Variants in PMPCB observed in about 807,000 individuals in gnomAD.
The protein encoded by PMPCB is mitochondrial-processing peptidase subunit beta.
A neutral mutation model predicts 61.5 loss-of-function variants in PMPCB; 46 were observed. The ratio of observed to expected loss-of-function variants is 0.75; its 90% CI spans 0.59 to 0.96. The LOEUF (loss-of-function observed/expected upper bound fraction) is 0.96. Among genes scored for constraint, PMPCB ranks in the 40% least tolerant of loss-of-function variants. The pLI, the probability that PMPCB is intolerant of heterozygous loss-of-function variation, is 0.00. For synonymous variants in PMPCB, 191 were observed against 201.6 expected (o/e 0.95, Z 0.44); for missense variants, 590 against 602.4 (o/e 0.98, Z 0.22).
At chr7:103,320,282 G>C (rs1218088846) in intron 12 of PMPCB, among the ~76,000 whole-genome samples, 1 of 151,764 alleles carries the variant, frequency 6.6e-6, no homozygotes, top group African/African-American at 2.4e-5. Flanking sequence ...TAGAGACGGG[G>C]TTTCACCATT....
chr7:103,309,046 T>C lies in PMPCB; in HGVS notation c.944T>C (p.Val315Ala), dbSNP rs780908639. Residue 315 changes from valine to alanine, a missense_variant, in exon 8 of 13, where the codon GTT (valine) becomes GCT (alanine). By Grantham distance (64) the Val-to-Ala change is moderately conservative. Transcript: ENST00000249269. Reference sequence around the variant, plus strand: ...CATCCAGATACAATCTGTCTCATGGTTGCAAACACGCTGATTGGCAACTGG... The same window carrying C: ...CATCCAGATACAATCTGTCTCATGGCTGCAAACACGCTGATTGGCAACTGG... ...WAHPDTICLM[V>A]ANTLIGNWDR... 18 of 1,606,706 alleles carry C rather than the reference T, an allele frequency of 1.1e-5. No homozygotes were observed. The highest frequency in any genetic ancestry group is 1.5e-5 in the Non-Finnish European group (18 of 1,176,102).
At chr7:103,307,565 A>G (rs1405557808) in intron 6 of PMPCB, 31 bp from the exon 7 acceptor site, 1 of 1,253,482 alleles carries the variant, frequency 8.0e-7, no homozygotes, top group Admixed American at 1.7e-5. Flanking sequence ...TTGCTGCTAG[A>G]TACATGTGAA....
intron 12 of PMPCB, among the ~76,000 whole-genome samples, chr7:103,328,198 AG>A (rs200115333): frequency 0.048 from 7,328 of 152,124 alleles, 235 homozygotes; most frequent in African/African-American, 0.08. Context: ...CTGGGATTAC[AG>A]GTGTGAGCCA....
At chr7:103,336,792 T>C in the PMPCB span, 1 of 152,238 alleles carries the variant, frequency 6.6e-6, no homozygotes, top group Non-Finnish European at 1.5e-5. Flanking sequence ...ACAAATCCAG[T>C]TTAAAATAAT....
intron 7 of PMPCB, among the ~76,000 whole-genome samples, chr7:103,308,357 T>A (rs1817642608): frequency 6.6e-6 from 1 of 152,168 alleles, no homozygotes; most frequent in Non-Finnish European, 1.5e-5. Flanking sequence ...TGCGGTGGCT[T>A]ACGCCTGTAA....
At chr7:103,320,309 T>TG (rs1444859925) in intron 12 of PMPCB, among the ~76,000 whole-genome samples, 1 of 151,812 alleles carries the variant, frequency 6.6e-6, no homozygotes, top group African/African-American at 2.4e-5. Flanking sequence ...AGGCTGGTCT[T>TG]GAACTCCTGA....
intron 12 of PMPCB, chr7:103,324,865 G>GA (rs1468955228): frequency 5.7e-6 from 1 of 175,944 alleles, no homozygotes; most frequent in Non-Finnish European, 1.2e-5. Flanking sequence ...AGGCAGGCTA[G>GA]AAAAAATGGC....
At chr7:103,345,408 CTTCT>C in the PMPCB span, among the ~76,000 whole-genome samples, 1 of 151,794 alleles carries the variant, frequency 6.6e-6, no homozygotes, top group African/African-American at 2.4e-5. Context: ...TATATGCTTC[CTTCT>C]AAGACTGCAG....
intron 6 of PMPCB, among the ~76,000 whole-genome samples, chr7:103,306,505 C>T (rs1372094032): frequency 3.3e-5 from 5 of 151,866 alleles, no homozygotes; most frequent in Non-Finnish European, 7.4e-5. Flanking sequence ...GCCTTAGCCT[C>T]CCGAGTAGCT....
the PMPCB span, chr7:103,341,893 T>C: frequency 1.2e-6 from 2 of 1,613,086 alleles, no homozygotes; most frequent in Non-Finnish European, 1.7e-6. Context: ...CATTTCTGTT[T>C]CTCCTCTTAA....
In PMPCB at chr7:103,312,394, A is replaced by AT. The variant is rs1817793881; in HGVS notation, c.*124dup. The AT allele has an allele frequency of 6.6e-7, 1 of 1,520,166 alleles. No homozygotes were observed. The highest frequency in any genetic ancestry group is 1.4e-5 in the African/African-American group (1 of 71,414). 94.2% of individuals were successfully genotyped at this position (1,520,166 alleles called of 1,614,324 possible). A position where few individuals can be genotyped will look rare whatever the true frequency, so the allele number is the denominator to read the frequency against. ...AAATACTGTATCATACTTTCAAAGGATAAAAAGACTACCCCTCTGAAGGTT... is the reference window on the plus strand; with the variant it reads ...AAATACTGTATCATACTTTCAAAGGATTAAAAAGACTACCCCTCTGAAGGTT... On this transcript the variant is annotated 3_prime_UTR_variant, in exon 13 of 13. Coordinates refer to ENST00000249269, the MANE Select transcript of PMPCB (RefSeq NM_004279.3).
chr7:103,311,395 C>A, intron 9 of PMPCB: 1 of 518,822 alleles, frequency 1.9e-6, no homozygotes, highest in East Asian at 3.3e-5. Context: ...ATGCTTATAG[C>A]ATTTCTGAAA....
intron 12 of PMPCB, chr7:103,324,444 A>G (rs764253100): frequency 1.8e-5 from 25 of 1,428,184 alleles, no homozygotes; most frequent in Non-Finnish European, 2.3e-5. Context: ...TTTCCTTTTA[A>G]AAAATGACAG....
At chr7:103,320,630 G>C (rs1480048993) in intron 12 of PMPCB, among the ~76,000 whole-genome samples, 2 of 151,302 alleles carry the variant, frequency 1.3e-5, no homozygotes, top group Non-Finnish European at 2.9e-5. Context: ...CGTGGTCCCA[G>C]CTACTCGGGA....
chr7:103,322,932 GAT>G, intron 12 of PMPCB: 8 of 736,066 alleles, frequency 1.1e-5, no homozygotes, highest in African/African-American at 1.1e-4. Context: ...ATTAAACAAT[GAT>G]TTTTTTTTTT....
chr7:103,335,560 C>CAA, the PMPCB span: 8 of 148,718 alleles, frequency 5.4e-5, no homozygotes, highest in Admixed American at 5.4e-4. Flanking sequence ...TTTAATGAGA[C>CAA]AGAGTCTCAC....
At chr7:103,327,534 A>G in intron 12 of PMPCB, 10 of 735,584 alleles carry the variant, frequency 1.4e-5, no homozygotes, top group South Asian at 9.3e-5. Flanking sequence ...TGATATAACT[A>G]AAATGTTTTA....
Position 103,310,735 on chromosome 7 carries a change from T to C in PMPCB, c.1154+260T>C, listed in dbSNP as rs369748822. 7.4e-5 allele frequency: 13 copies of C among 175,766 alleles called. No individual in the cohort carries two copies. In the East Asian group the frequency reaches 1.4e-3, roughly 19 times the overall value. The allele number at this position is 175,766 out of a possible 1,614,324, so 10.9% of individuals were successfully genotyped here. Reference sequence around the variant, plus strand: ...CTCTGTTGCCCAGGCTGGAGTGTAGTTGTGCCATCTCGGCTCACTGCAGCC... The same window carrying C: ...CTCTGTTGCCCAGGCTGGAGTGTAGCTGTGCCATCTCGGCTCACTGCAGCC... On this transcript the variant is annotated intron_variant, in intron 9 of 12. Coordinates refer to ENST00000249269, the MANE Select transcript of PMPCB (RefSeq NM_004279.3).
At chr7:103,304,372 T>A in intron 5 of PMPCB, 39 bp from the exon 6 acceptor site, 1 of 1,172,728 alleles carries the variant, frequency 8.5e-7, no homozygotes, top group South Asian at 1.3e-5. Flanking sequence ...TCTGTTTTTT[T>A]TTTGGTTTCC....
Sources: gnomAD v4.1 joint callset for allele counts (sites outside exome capture counted in the v4.1 genomes callset) on GRCh38, gnomAD v4.1.1 for gene constraint, MANE v1.5 for transcripts, NCBI Gene and HGNC (gene_info 2026-07-23, HGNC 2026-07-21) for gene names.